Variants in PLEKHG7 observed in about 807,000 individuals in gnomAD.
PLEKHG7 encodes pleckstrin homology and RhoGEF domain containing G7.
Under a neutral mutation model 85.2 loss-of-function variants are expected in PLEKHG7, and 77 were observed. The observed-to-expected ratio is 0.90, with a 90% CI of 0.75 to 1.09. PLEKHG7 has a LOEUF of 1.09. Ranked by LOEUF, PLEKHG7 falls within the 50% of genes least tolerant of loss-of-function variation. The pLI is 0.00. For synonymous variants in PLEKHG7, 301 were observed against 302.4 expected (o/e 1.00, Z 0.05); for missense variants, 777 against 804.3 (o/e 0.97, Z 0.41).
In PLEKHG7 at chr12:92,754,274, T is replaced by C. The variant is rs1454729163; in HGVS notation, c.1426+10T>C. ...GTGGAAAAGTCCATCCGTAAGTCCC[T>C]GAGATAAGTGAGCTTAATTACAGAA... On this transcript the variant is annotated intron_variant, in intron 11 of 16. Coordinates refer to ENST00000344636, the MANE Select transcript of PLEKHG7 (RefSeq NM_001377329.1). 2 of 1,611,346 alleles carry C rather than the reference T, an allele frequency of 1.2e-6. No homozygotes were observed. Among genetic ancestry groups the C allele is most frequent in the East Asian group, 2.2e-5 (1 of 44,754 alleles).
rs183262981 is a variant in PLEKHG7 at position 92,735,671 on chromosome 12, C to T, written c.700-811C>T. ...TCTTTAAGTGGGCAATTCATGATGTCGCAATAGAATAGTGAATGAACTAAA... is the reference window on the plus strand; with the variant it reads ...TCTTTAAGTGGGCAATTCATGATGTTGCAATAGAATAGTGAATGAACTAAA... On this transcript the variant is annotated intron_variant, in intron 5 of 16. Coordinates refer to ENST00000344636, the MANE Select transcript of PLEKHG7 (RefSeq NM_001377329.1). 3.9e-5 allele frequency among the ~76,000 whole-genome samples: 6 copies of T among 152,026 alleles called. No homozygotes were observed. In the East Asian group the frequency reaches 7.7e-4, roughly 20 times the overall value.
intron 4 of PLEKHG7, among the ~76,000 whole-genome samples, chr12:92,731,011 A>G (rs776766169): frequency 3.5e-4 from 53 of 152,212 alleles, no homozygotes; most frequent in Non-Finnish European, 7.3e-4. Flanking sequence ...ATATAGTTGA[A>G]ATAAAGATTC....
At chr12:92,763,071 G>C (rs1021064686) in intron 14 of PLEKHG7, among the ~76,000 whole-genome samples, 2 of 152,134 alleles carry the variant, frequency 1.3e-5, no homozygotes, top group African/African-American at 4.8e-5. Context: ...ACGTCAAATA[G>C]TGGTACAAAT....
intron 3 of PLEKHG7, among the ~76,000 whole-genome samples, chr12:92,710,679 T>A (rs1274154551): frequency 6.6e-6 from 1 of 152,182 alleles, no homozygotes; most frequent in Non-Finnish European, 1.5e-5. Flanking sequence ...TCAGTGTTGA[T>A]CTATGCTGCT....
chr12:92,735,966 C>G (rs1229332586), intron 5 of PLEKHG7, among the ~76,000 whole-genome samples: 2 of 152,032 alleles, frequency 1.3e-5, no homozygotes, highest in Admixed American at 1.3e-4. Context: ...TGATTCCATT[C>G]TAAGGAAAAT....
chr12:92,732,339 G>T (rs1005406040), intron 5 of PLEKHG7, 66 bp downstream of exon 5: 1 of 959,726 alleles, frequency 1.0e-6, no homozygotes, highest in Non-Finnish European at 1.4e-6. Flanking sequence ...GTAAGAAATG[G>T]CTGAAGAGTC....
intron 16 of PLEKHG7, among the ~76,000 whole-genome samples, chr12:92,769,658 T>C (rs1873342252): frequency 6.6e-6 from 1 of 152,210 alleles, no homozygotes; most frequent in African/African-American, 2.4e-5. Flanking sequence ...ATCTACAATG[T>C]GGCCAGACAA....
chr12:92,714,550 C>T (rs1230867688), intron 3 of PLEKHG7, among the ~76,000 whole-genome samples: 2 of 152,154 alleles, frequency 1.3e-5, no homozygotes, highest in Non-Finnish European at 2.9e-5. Flanking sequence ...TCTTTCTCTA[C>T]AAGAGATAAG....
intron 9 of PLEKHG7, among the ~76,000 whole-genome samples, chr12:92,743,300 G>T (rs1001217869): frequency 6.6e-6 from 1 of 152,118 alleles, no homozygotes; most frequent in Non-Finnish European, 1.5e-5. Flanking sequence ...TCAGTACATG[G>T]CCAAGCTTAC....
intron 3 of PLEKHG7, among the ~76,000 whole-genome samples, chr12:92,720,224 A>C (rs1871598916): frequency 6.6e-6 from 1 of 151,908 alleles, no homozygotes; most frequent in African/African-American, 2.4e-5. Context: ...TTGCTTTTTC[A>C]TCCAGGCGTT....
intron 4 of PLEKHG7, among the ~76,000 whole-genome samples, chr12:92,731,148 A>T (rs1195659993): frequency 6.6e-6 from 1 of 152,210 alleles, no homozygotes; most frequent in Non-Finnish European, 1.5e-5. Context: ...ACAGGAGAGA[A>T]ATTGGCCAAG....
chr12:92,752,617 G>A (rs1041910401), intron 10 of PLEKHG7, among the ~76,000 whole-genome samples: 2 of 152,184 alleles, frequency 1.3e-5, no homozygotes, highest in African/African-American at 4.8e-5. Context: ...CCTGAGGATG[G>A]CCCTGAAGGG....
chr12:92,761,619 GAAAGAAGAAAGA>G (rs1324136276), intron 13 of PLEKHG7, 121 bp from the exon 14 acceptor site: 15 of 993,482 alleles, frequency 1.5e-5, no homozygotes, highest in Admixed American at 1.5e-4. Flanking sequence ...AAGAAAGAAA[GAAAGAAGAAAGA>G]AAGAAAGAAA....
At chr12:92,709,224 T>C (rs891119880) in intron 3 of PLEKHG7, among the ~76,000 whole-genome samples, 3 of 152,052 alleles carry the variant, frequency 2.0e-5, no homozygotes, top group Admixed American at 6.6e-5. Flanking sequence ...GGCAGTGGGG[T>C]TAAAAAGAAG....
At chr12:92,764,326 A>G (rs1004790623) in intron 15 of PLEKHG7, 132 bp downstream of exon 15, 5 of 910,078 alleles carry the variant, frequency 5.5e-6, no homozygotes, top group Non-Finnish European at 8.0e-6. Flanking sequence ...ATGTGTCTAC[A>G]TATCTTTCAC....
At chr12:92,718,171 C>T (rs1027303212) in intron 3 of PLEKHG7, among the ~76,000 whole-genome samples, 5 of 152,168 alleles carry the variant, frequency 3.3e-5, no homozygotes, top group African/African-American at 4.8e-5. Context: ...TCAGCTTCTT[C>T]GGGGCTTTAA....
chr12:92,764,643 A>AAT (rs1234205387), intron 15 of PLEKHG7, among the ~76,000 whole-genome samples: 1 of 151,866 alleles, frequency 6.6e-6, no homozygotes, highest in African/African-American at 2.4e-5. Flanking sequence ...TTATGCCAGC[A>AAT]ATATATATAT....
chr12:92,709,457 G>T (rs1871326038), intron 3 of PLEKHG7, among the ~76,000 whole-genome samples: 1 of 151,676 alleles, frequency 6.6e-6, no homozygotes, highest in African/African-American at 2.4e-5. Context: ...GACATGTTGA[G>T]TTTGAGGAAC....
chr12:92,712,989 T>C (rs1030803911), intron 3 of PLEKHG7, among the ~76,000 whole-genome samples: 5 of 152,160 alleles, frequency 3.3e-5, no homozygotes, highest in African/African-American at 1.2e-4. Context: ...GTCTGATCAT[T>C]TCCCTTTCCC....
Sources: allele counts gnomAD v4.1 joint callset (sites outside exome capture counted in the v4.1 genomes callset), GRCh38; gene constraint gnomAD v4.1.1; transcripts MANE v1.5; gene names NCBI Gene and HGNC (gene_info 2026-07-23, HGNC 2026-07-21).